The following MAN1A1 variants were observed in gnomAD, a reference collection of about 807,000 sequenced individuals.
MAN1A1 encodes mannosyl-oligosaccharide 1,2-alpha-mannosidase IA.
Under a neutral mutation model 70.8 loss-of-function variants are expected in MAN1A1, and 29 were observed. That is an observed-to-expected ratio of 0.41 (90% CI 0.31 to 0.56). The LOEUF (loss-of-function observed/expected upper bound fraction) is 0.56. Ranked by LOEUF, MAN1A1 falls within the 20% of genes least tolerant of loss-of-function variation. The pLI, the probability that MAN1A1 is intolerant of heterozygous loss-of-function variation, is 0.29. For synonymous variants in MAN1A1, 349 were observed against 330.1 expected (o/e 1.06, Z -0.62); for missense variants, 747 against 841.3 (o/e 0.89, Z 1.39).
chr6:119,302,064 G>A lies in MAN1A1; in HGVS notation c.740C>T (p.Thr247Ile), dbSNP rs1208869957. Residue 247 changes from threonine to isoleucine, a missense_variant, in exon 4 of 13, where the codon ACA (threonine) becomes ATA (isoleucine). Thr to Ile is a moderately conservative substitution (Grantham distance 89). This residue lies in a region of MAN1A1 where 419 missense variants were observed against 548.2 expected (regional missense o/e 0.76). Coordinates refer to ENST00000368468, the MANE Select transcript of MAN1A1 (RefSeq NM_005907.4). Reference protein sequence around the residue: ...KGATIVDALDTLFIMEMKHEF... With the variant: ...KGATIVDALDILFIMEMKHEF... Reference sequence around the variant, plus strand: ...ATGTTTCATTTCCATAATAAAAAGTGTATCCAGGGCATCTACTATAGTTGC... The same window carrying A: ...ATGTTTCATTTCCATAATAAAAAGTATATCCAGGGCATCTACTATAGTTGC... 1.2e-6 allele frequency: 2 copies of A among 1,609,446 alleles called. No homozygotes were observed. The highest frequency in any genetic ancestry group is 1.7e-6 in the Non-Finnish European group (2 of 1,176,422).
intron 5 of MAN1A1, among the ~76,000 whole-genome samples, chr6:119,262,153 G>C (rs2114355591): frequency 6.6e-6 from 1 of 152,268 alleles, no homozygotes; most frequent in African/African-American, 2.4e-5. Context: ...GAGTCAAGCT[G>C]TTTCAGCACT....
intron 6 of MAN1A1, among the ~76,000 whole-genome samples, chr6:119,216,574 T>G (rs144124430): frequency 2.0e-4 from 30 of 152,328 alleles, no homozygotes; most frequent in African/African-American, 7.2e-4. Context: ...CAGAGTTTGC[T>G]ATAATAACTA....
Position 119,348,881 on chromosome 6 carries a change from A to C in MAN1A1, c.185T>G (p.Leu62Arg). 1 of 1,534,636 alleles carries C rather than the reference A, an allele frequency of 6.5e-7. No homozygotes were observed. Among genetic ancestry groups the C allele is most frequent in the Non-Finnish European group, 8.8e-7 (1 of 1,142,498 alleles). ...GCTGAGCAGCTTGGAGGAGTCTGGC[A>C]GGAAGAAGATCGCCCCGAAGCAGAG... is the stretch of plus-strand genomic sequence containing the variant. ...ITLCFGAIFF[L>R]PDSSKLLSGV... The change falls in exon 2 of 13, where the codon CTG (leucine) becomes CGG (arginine). Residue 62 changes from leucine (L) to arginine (R), a missense_variant. By Grantham distance (102) the Leu-to-Arg change is moderately radical (BLOSUM62 -2). This residue lies in a region of MAN1A1 where 328 missense variants were observed against 293.1 expected (regional missense o/e 1.12). Coordinates refer to ENST00000368468, the MANE Select transcript of MAN1A1 (RefSeq NM_005907.4).
chr6:119,266,478 G>A (rs1363024224), intron 5 of MAN1A1, among the ~76,000 whole-genome samples: 1 of 151,922 alleles, frequency 6.6e-6, no homozygotes, highest in Non-Finnish European at 1.5e-5. Context: ...ACAATTAAAT[G>A]AAGAAAAGAT....
chr6:119,217,637 C>G (rs1332177379), intron 6 of MAN1A1, among the ~76,000 whole-genome samples: 1 of 152,188 alleles, frequency 6.6e-6, no homozygotes, highest in East Asian at 1.9e-4. Context: ...GTGTTACTCC[C>G]TCTTTCACTT....
intron 6 of MAN1A1, among the ~76,000 whole-genome samples, chr6:119,217,265 T>C (rs188604099): frequency 4.2e-4 from 64 of 152,284 alleles, no homozygotes; most frequent in African/African-American, 1.5e-3. Context: ...CAGTGTTGAA[T>C]GGCAAATTGA....
chr6:119,306,832 T>C lies in MAN1A1; in HGVS notation c.700+64A>G, dbSNP rs575727979. Reference sequence around the variant, plus strand: ...CCATGTTACACAGACTTCTCCACCATCCATAAGCTCAAGCAATTGGGGAGA... The same window carrying C: ...CCATGTTACACAGACTTCTCCACCACCCATAAGCTCAAGCAATTGGGGAGA... On this transcript the variant is annotated intron_variant, in intron 3 of 12. Coordinates refer to ENST00000368468, the MANE Select transcript of MAN1A1 (RefSeq NM_005907.4). 1.3e-5 allele frequency: 15 copies of C among 1,167,850 alleles called. No homozygotes were observed. In the Admixed American group the frequency reaches 2.3e-4, roughly 18 times the overall value. 72.3% of individuals were successfully genotyped at this position (1,167,850 alleles called of 1,614,324 possible). A position where few individuals can be genotyped will look rare whatever the true frequency, so the allele number is the denominator to read the frequency against.
intron 8 of MAN1A1, 66 bp downstream of exon 8, chr6:119,201,188 T>G: frequency 8.4e-7 from 1 of 1,184,988 alleles, no homozygotes; most frequent in Non-Finnish European, 1.3e-6. Flanking sequence ...GCTGCTTTTG[T>G]GCTTCCTCTC....
intron 6 of MAN1A1, among the ~76,000 whole-genome samples, chr6:119,236,608 T>A (rs1210897976): frequency 6.6e-6 from 1 of 150,982 alleles, no homozygotes; most frequent in Non-Finnish European, 1.5e-5. Flanking sequence ...CTCGGGAGGT[T>A]GAGGCAGAAG....
At chr6:119,228,335 A>C (rs555757555) in intron 6 of MAN1A1, among the ~76,000 whole-genome samples, 1 of 152,350 alleles carries the variant, frequency 6.6e-6, no homozygotes, top group South Asian at 2.1e-4. Context: ...TGGGTAACAC[A>C]AATGATCATA....
At chr6:119,304,789 T>A (rs114123846) in intron 3 of MAN1A1, among the ~76,000 whole-genome samples, 54 of 152,294 alleles carry the variant, frequency 3.5e-4, no homozygotes, top group African/African-American at 1.3e-3. Flanking sequence ...GGGTCAAGAC[T>A]CAAAATAACT....
intron 3 of MAN1A1, among the ~76,000 whole-genome samples, chr6:119,306,272 C>A (rs1229818370): frequency 2.0e-5 from 3 of 152,134 alleles, no homozygotes; most frequent in Non-Finnish European, 4.4e-5. Flanking sequence ...CCCAAAGAAT[C>A]CATGACACCC....
At chr6:119,232,666 T>C (rs1332103906) in intron 6 of MAN1A1, among the ~76,000 whole-genome samples, 2 of 141,236 alleles carry the variant, frequency 1.4e-5, no homozygotes, top group Non-Finnish European at 3.1e-5. Flanking sequence ...AGATTTCATA[T>C]ATACACATAT....
chr6:119,296,643 T>A (rs1318559216), intron 4 of MAN1A1, among the ~76,000 whole-genome samples: 1 of 152,018 alleles, frequency 6.6e-6, no homozygotes, highest in Non-Finnish European at 1.5e-5. Context: ...CAGGGAACCC[T>A]ACAACTTACT....
rs1773841486 is a variant in MAN1A1, at chr6:119,349,461, G to A, written c.-223+81C>T. ...CTCTGGACTTGGGGTGAAGTTATCA[G>A]GTCCCGTGGGTAGGGGAGGGGTGTC... On this transcript the variant is annotated intron_variant, in intron 1 of 12. Transcript: ENST00000368468. The A allele has an allele frequency of 5.4e-6, 5 of 932,928 alleles. No homozygotes were observed. In the South Asian group the frequency reaches 2.0e-4, roughly 37 times the overall value. 57.8% of individuals were successfully genotyped at this position (932,928 alleles called of 1,614,324 possible).
chr6:119,217,827 CAT>C (rs1312181803), intron 6 of MAN1A1, among the ~76,000 whole-genome samples: 1 of 152,164 alleles, frequency 6.6e-6, no homozygotes, highest in Admixed American at 6.5e-5. Context: ...CATGCACACA[CAT>C]ATATGGATAT....
At chr6:119,316,164 C>T (rs1346009065) in intron 2 of MAN1A1, among the ~76,000 whole-genome samples, 1 of 140,806 alleles carries the variant, frequency 7.1e-6, no homozygotes, top group Non-Finnish European at 1.5e-5. Context: ...AAAAGATATT[C>T]ATTTTTGTGG....
chr6:119,349,672 C>G lies in MAN1A1; in HGVS notation c.-353G>C. On this transcript the variant is annotated 5_prime_UTR_variant, in exon 1 of 13. Coordinates refer to ENST00000368468, the MANE Select transcript of MAN1A1 (RefSeq NM_005907.4). ...CTGTCCCACGGTCCCGCAGCCCCGG[C>G]GCGGCTCAGGTGGGCGAGCGCGCCG... 2.0e-6 allele frequency: 2 copies of G among 985,878 alleles called. No individual in the cohort carries two copies. The highest frequency in any genetic ancestry group is 2.4e-6 in the Non-Finnish European group (2 of 830,026). 61.1% of individuals were successfully genotyped at this position (985,878 alleles called of 1,614,324 possible).
At chr6:119,279,767 T>C (rs1776179630) in intron 5 of MAN1A1, among the ~76,000 whole-genome samples, 1 of 152,202 alleles carries the variant, frequency 6.6e-6, no homozygotes, top group Non-Finnish European at 1.5e-5. Flanking sequence ...AGGCCATCTG[T>C]CTTCGTGAAT....
Sources: gnomAD v4.1 joint callset for allele counts (sites outside exome capture counted in the v4.1 genomes callset) on GRCh38, gnomAD v4.1.1 for gene constraint, gnomAD v4.1.1 regional missense constraint, MANE v1.5 for transcripts, NCBI Gene and HGNC (gene_info 2026-07-23, HGNC 2026-07-21) for gene names.